FRYL: variants seen among roughly 807,000 people sequenced by gnomAD.
The protein encoded by FRYL is FRY like transcription coactivator, also known as protein furry homolog-like.
A neutral mutation model predicts 351.2 loss-of-function variants in FRYL; 150 were observed. The observed-to-expected ratio is 0.43, with a 90% confidence interval of 0.37 to 0.49. FRYL has a LOEUF of 0.49. Among genes scored for constraint, FRYL ranks in the 20% least tolerant of loss-of-function variants. The pLI, the probability that FRYL is intolerant of heterozygous loss-of-function variation, is 0.00. For missense variants in FRYL, 3,036 were observed against 3,619.3 expected (o/e 0.84, Z 4.13); for synonymous variants, 1,153 against 1,257.1 (o/e 0.92, Z 1.75).
Position 48,565,695 on chromosome 4 carries a change from T to C in FRYL, c.3170-4A>G. 2 of 1,600,672 alleles carry C rather than the reference T, an allele frequency of 1.2e-6. No individual in the cohort carries two copies. Among genetic ancestry groups the C allele is most frequent in the Non-Finnish European group, 1.7e-6 (2 of 1,176,696 alleles). Reference sequence around the variant, plus strand: ...AAAATACTTCTTCTCTGGTGCACTGTGAATAAAAAAAGATAGAAAACATTT... The same window carrying C: ...AAAATACTTCTTCTCTGGTGCACTGCGAATAAAAAAAGATAGAAAACATTT... On this transcript the variant is annotated splice_region_variant and splice_polypyrimidine_tract_variant and intron_variant, in intron 28 of 63. Transcript: ENST00000358350.
At chr4:48,643,812 CA>C (rs983276712) in intron 3 of FRYL, among the ~76,000 whole-genome samples, 4 of 152,096 alleles carry the variant, frequency 2.6e-5, no homozygotes, top group African/African-American at 9.7e-5. Context: ...GAGGAAAGGA[CA>C]AGCGCTTCCT....
At position 48,540,433 on chromosome 4, in the gene FRYL, G is replaced by A. The variant is rs1729924606; in HGVS notation, c.6215C>T (p.Thr2072Ile). ...GAGGAGGTGCACGGTCATTTCTTGT[G>A]TAGATGCTGAGGTAAAACCCTTAAG... Reference protein sequence around the residue: ...LFLKGFTSASTQEMTVHLLSK... With the variant: ...LFLKGFTSASIQEMTVHLLSK... The change falls in exon 46 of 64, where the codon ACA becomes ATA. Residue 2072 changes from threonine to isoleucine, a missense_variant. This residue lies in a region of FRYL where 1,987 missense variants were observed against 2,311.7 expected (regional missense o/e 0.86). Coordinates refer to ENST00000358350, the MANE Select transcript of FRYL (RefSeq NM_015030.2). 6.2e-7 allele frequency: 1 copy of A among 1,613,854 alleles called. No homozygotes were observed. Among genetic ancestry groups the A allele is most frequent in the Admixed American group, 1.7e-5 (1 of 59,998 alleles).
intron 27 of FRYL, 86 bp downstream of exon 27, chr4:48,570,741 T>C: frequency 1.0e-6 from 1 of 963,998 alleles, no homozygotes; most frequent in Non-Finnish European, 1.6e-6. Flanking sequence ...ATGGTGCTTT[T>C]CTGTTTTTAT....
rs1732187135 is a variant in FRYL, at chr4:48,549,448, T to C, written c.4784+25A>G. ...GTTCAGCAGCAACTTGGTGCATATG[T>C]AAAAGGAATGACGCTGTAGTCCACC... On this transcript the variant is annotated intron_variant, in intron 39 of 63. Coordinates refer to ENST00000358350, the MANE Select transcript of FRYL (RefSeq NM_015030.2). This position sits in a 1 kb window ranked among gnomAD's most constrained non-coding sequence, Gnocchi z 4.2. 8 of 1,583,742 alleles carry C rather than the reference T, an allele frequency of 5.1e-6. No homozygotes were observed. Among genetic ancestry groups the C allele is most frequent in the Non-Finnish European group, 6.0e-6 (7 of 1,161,944 alleles).
In FRYL at chr4:48,518,754, T is replaced by C. The variant is rs540861421; in HGVS notation, c.7689+2294A>G. On this transcript the variant is annotated intron_variant, in intron 55 of 63. Coordinates refer to ENST00000358350, the MANE Select transcript of FRYL (RefSeq NM_015030.2). Reference sequence around the variant, plus strand: ...AAGGGGTGGGCTGGTTCTTGTCATTTAGGTTTCACCTTAAATGCTACCCCT... The same window carrying C: ...AAGGGGTGGGCTGGTTCTTGTCATTCAGGTTTCACCTTAAATGCTACCCCT... Among the ~76,000 whole-genome samples the C allele has an allele frequency of 3.3e-5, 5 of 152,366 alleles. No homozygotes were observed. The South Asian group carries it at 1.0e-3, about 32-fold the overall frequency.
intron 34 of FRYL, 58 bp downstream of exon 34, chr4:48,557,395 C>A: frequency 6.3e-7 from 1 of 1,591,712 alleles, no homozygotes; most frequent in Non-Finnish European, 8.6e-7. Flanking sequence ...CTGTTTCTAA[C>A]CACATCTACT....
rs1228833353 is a variant in FRYL, at chr4:48,726,399, C to G, written c.-383-15701G>C. ...AGTGACCTATAAATTTCCACAGATG[C>G]GGGCGGGTGCAGTGGCTCATGCCTG... On this transcript the variant is annotated intron_variant, in intron 1 of 63. Transcript: ENST00000358350. 4.6e-5 allele frequency among the ~76,000 whole-genome samples: 7 copies of G among 152,196 alleles called. No homozygotes were observed. The South Asian group carries it at 1.5e-3, about 32-fold the overall frequency.
At chr4:48,594,435 G>A (rs1744186918) in intron 15 of FRYL, among the ~76,000 whole-genome samples, 1 of 152,138 alleles carries the variant, frequency 6.6e-6, no homozygotes, top group Non-Finnish European at 1.5e-5. Context: ...TAGATTAACT[G>A]CTGTTTGAAA....
chr4:48,727,346 G>A (rs1770192301), intron 1 of FRYL: 1 of 152,156 alleles, frequency 6.6e-6, no homozygotes, highest in African/African-American at 2.4e-5. Context: ...CTCCTTAAAA[G>A]AAATGAGGTC....
chr4:48,606,399 A>G, intron 10 of FRYL, 39 bp downstream of exon 10: 1 of 1,379,050 alleles, frequency 7.3e-7, no homozygotes, highest in African/African-American at 1.4e-5. Flanking sequence ...AAGGACTGTT[A>G]GGCTTGCTCT....
chr4:48,740,574 G>A (rs1771940146), intron 1 of FRYL, among the ~76,000 whole-genome samples: 1 of 151,914 alleles, frequency 6.6e-6, no homozygotes, highest in African/African-American at 2.4e-5. Flanking sequence ...GGATTAGAGG[G>A]GTGAGCCACC....
At chr4:48,720,114 C>CAAAA in intron 1 of FRYL, among the ~76,000 whole-genome samples, 1 of 148,250 alleles carries the variant, frequency 6.7e-6, no homozygotes. Flanking sequence ...TGTGCCACTG[C>CAAAA]ACTCCAGCCT....
intron 1 of FRYL, among the ~76,000 whole-genome samples, chr4:48,751,991 A>C (rs1773294959): frequency 1.3e-5 from 2 of 152,304 alleles, no homozygotes; most frequent in Admixed American, 1.3e-4. Context: ...ACATACAGGA[A>C]AGTCATCTGG....
chr4:48,520,986 G>A, intron 55 of FRYL, 62 bp downstream of exon 55: 2 of 1,194,796 alleles, frequency 1.7e-6, no homozygotes, highest in South Asian at 2.1e-5. Context: ...AAAAGCGGGA[G>A]CTATAAAAGA....
chr4:48,767,290 A>G (rs1478204064), intron 1 of FRYL, among the ~76,000 whole-genome samples: 3 of 152,096 alleles, frequency 2.0e-5, no homozygotes, highest in African/African-American at 7.2e-5. Context: ...TTCAAAGGAC[A>G]ACAGCCAGAT....
intron 13 of FRYL, among the ~76,000 whole-genome samples, chr4:48,599,492 G>A (rs1745271514): frequency 1.3e-5 from 2 of 152,158 alleles, no homozygotes; most frequent in African/African-American, 4.8e-5. Flanking sequence ...ATCATAAAGT[G>A]CCTTGAAATT....
chr4:48,655,402 T>G (rs576008087), intron 3 of FRYL, among the ~76,000 whole-genome samples: 3 of 152,120 alleles, frequency 2.0e-5, no homozygotes, highest in East Asian at 3.9e-4. Context: ...AAACATGCCT[T>G]AAGATGCTGA....
chr4:48,750,150 A>G (rs550128885), intron 1 of FRYL, among the ~76,000 whole-genome samples: 94 of 150,996 alleles, frequency 6.2e-4, no homozygotes, highest in East Asian at 1.7e-3. Context: ...AAAAAAAAAA[A>G]AAAGAAAGAA....
intron 61 of FRYL, 121 bp downstream of exon 61, chr4:48,502,707 C>T: frequency 4.4e-6 from 3 of 678,574 alleles, no homozygotes; most frequent in East Asian, 2.8e-5. Flanking sequence ...AACTGAAGCA[C>T]ATACTACTTG....
Sources: gnomAD v4.1 joint callset for allele counts (sites outside exome capture counted in the v4.1 genomes callset) on GRCh38, gnomAD v4.1.1 for gene constraint, gnomAD v4.1.1 regional missense constraint, Gnocchi (gnomAD v3.1) non-coding constraint, MANE v1.5 for transcripts, NCBI Gene and HGNC (gene_info 2026-07-23, HGNC 2026-07-21) for gene names.